CLMP: variants seen among roughly 807,000 people sequenced by gnomAD.
The protein encoded by CLMP is CXADR-like membrane protein.
Under a neutral mutation model 45.2 loss-of-function variants are expected in CLMP, and 27 were observed. The ratio of observed to expected loss-of-function variants is 0.60; its 90% CI spans 0.44 to 0.82. The LOEUF (loss-of-function observed/expected upper bound fraction) is 0.82. CLMP is among the 40% of genes least tolerant of loss of function. The pLI is 0.00. For synonymous variants in CLMP, 167 were observed against 171.4 expected (o/e 0.97, Z 0.20); for missense variants, 403 against 448.4 (o/e 0.90, Z 0.91).
At chr11:123,185,408 G>A (rs1200658349) in intron 1 of CLMP, among the ~76,000 whole-genome samples, 1 of 152,148 alleles carries the variant, frequency 6.6e-6, no homozygotes, top group Non-Finnish European at 1.5e-5. Context: ...GAGAGAGAGA[G>A]CAGGAGGAAG....
chr11:123,127,935 G>A (rs551706358), intron 1 of CLMP, among the ~76,000 whole-genome samples: 229 of 151,774 alleles, frequency 1.5e-3, no homozygotes, highest in African/African-American at 5.1e-3. Flanking sequence ...GACTCAGGAG[G>A]CTGAGGCAGG....
rs913301067 is a variant in CLMP at position 123,074,696 on chromosome 11, G to T, written c.821+6C>A. ...CCCCGTAAAAGTAGGGATGTGGGAG[G>T]TTTACCGAATTTCATTAGGTCTCTC... is the stretch of plus-strand genomic sequence containing the variant. On this transcript the variant is annotated splice_donor_region_variant and intron_variant, in intron 6 of 6. Transcript: ENST00000448775. 2 of 1,613,748 alleles carry T rather than the reference G, an allele frequency of 1.2e-6. No homozygotes were observed. Among genetic ancestry groups the T allele is most frequent in the South Asian group, 2.2e-5 (2 of 91,066 alleles).
At chr11:123,138,079 C>G (rs1001548663) in intron 1 of CLMP, among the ~76,000 whole-genome samples, 9 of 152,070 alleles carry the variant, frequency 5.9e-5, no homozygotes, top group African/African-American at 2.2e-4. Flanking sequence ...GGGGCAGAAG[C>G]TCTGTCCTGG....
Position 123,074,717 on chromosome 11 carries a change from C to T in CLMP, c.806G>A (p.Arg269Lys). ...GGAGGTTTACCGAATTTCATTAGGT[C>T]TCTCTTCTTCCTCATATCTTTCTTT... ...KDKERYEEEE[R>K]PNEIREDAEA... The change falls in exon 6 of 7, where the codon AGA becomes AAA. Residue 269 changes from arginine to lysine, a missense_variant. Coordinates refer to ENST00000448775, the MANE Select transcript of CLMP (RefSeq NM_024769.5). The T allele has an allele frequency of 1.2e-6, 2 of 1,614,008 alleles. No individual in the cohort carries two copies. The highest frequency in any genetic ancestry group is 1.7e-6 in the Non-Finnish European group (2 of 1,179,982).
At chr11:123,129,487 ATAAT>A (rs1860953568) in intron 1 of CLMP, among the ~76,000 whole-genome samples, 1 of 142,118 alleles carries the variant, frequency 7.0e-6, no homozygotes, top group South Asian at 2.1e-4. Flanking sequence ...TAGATTATAT[ATAAT>A]TAATTTCAAA....
intron 1 of CLMP, among the ~76,000 whole-genome samples, chr11:123,150,582 A>AAGGG (rs780551140): frequency 8.6e-6 from 1 of 116,846 alleles, no homozygotes; most frequent in Non-Finnish European, 1.7e-5. Context: ...GGAAGGAAGG[A>AAGGG]AAGGAAGGAA....
chr11:123,100,533 T>C (rs993290639), intron 1 of CLMP, among the ~76,000 whole-genome samples: 5 of 151,936 alleles, frequency 3.3e-5, no homozygotes, highest in Non-Finnish European at 7.4e-5. Context: ...TTCAAGTCCA[T>C]TGTGATGCAG....
chr11:123,193,241 C>G (rs1861932414), intron 1 of CLMP: 1 of 152,258 alleles, frequency 6.6e-6, no homozygotes, highest in African/African-American at 2.4e-5. Flanking sequence ...GGCCTTTTTA[C>G]AGCTTGGTTT....
rs554511842 is a variant in CLMP, at chr11:123,094,489, CAT to C, written c.186+3304_186+3305del. ...TTCACTATGTTTGTGTGTTTACACACATGTGGGCATACCTCAGCTCCTTATTT... is the reference window on the plus strand; with the variant it reads ...TTCACTATGTTTGTGTGTTTACACACGTGGGCATACCTCAGCTCCTTATTT... On this transcript the variant is annotated intron_variant, in intron 2 of 6. Coordinates refer to ENST00000448775, the MANE Select transcript of CLMP (RefSeq NM_024769.5). 2.2e-4 allele frequency among the ~76,000 whole-genome samples: 33 copies of C among 152,350 alleles called. 1 individual carries two copies. In the East Asian group the frequency reaches 5.8e-3, roughly 27 times the overall value.
intron 5 of CLMP, among the ~76,000 whole-genome samples, chr11:123,080,791 G>A (rs1013856023): frequency 2.6e-5 from 4 of 152,156 alleles, no homozygotes; most frequent in Non-Finnish European, 5.9e-5. Context: ...GAATGTTGAA[G>A]TATAACTTTG....
rs768633361 is a variant in CLMP, at chr11:123,083,686, T to G, written c.550A>C (p.Arg184=). The G allele has an allele frequency of 1.2e-5, 19 of 1,613,944 alleles. No homozygotes were observed. The highest frequency in any genetic ancestry group is 3.3e-4 in the Middle Eastern group (2 of 6,044). ...TGGTAGGAAGATGACTTACCAATCC[T>G]AGATTTGGGAGGCAGACGTTCATCC... is the stretch of plus-strand genomic sequence containing the variant. ...GEDERLPPKS[R]IDYNHPGRVL... is the part of the protein sequence containing the mutation. The change falls in exon 4 of 7, where the codon AGG becomes CGG. Residue 184 remains arginine, a synonymous_variant. Transcript: ENST00000448775.
At chr11:123,170,962 G>C (rs1861624735) in intron 1 of CLMP, among the ~76,000 whole-genome samples, 1 of 152,214 alleles carries the variant, frequency 6.6e-6, no homozygotes, top group Non-Finnish European at 1.5e-5. Flanking sequence ...ATGATCTTAT[G>C]TGGGGAGACG....
chr11:123,083,999 AC>A (rs1187301196), intron 3 of CLMP, 152 bp from the exon 4 acceptor site: 7 of 793,128 alleles, frequency 8.8e-6, no homozygotes, highest in Non-Finnish European at 1.4e-5. Context: ...GCTTTACACT[AC>A]CCCCACCAAA....
At chr11:123,089,560 T>C (rs1456511934) in intron 2 of CLMP, among the ~76,000 whole-genome samples, 1 of 148,224 alleles carries the variant, frequency 6.7e-6, no homozygotes, top group Non-Finnish European at 1.5e-5. Context: ...GGTCAGGAGA[T>C]CAAGACCATC....
chr11:123,074,504 T>C (rs1015117490), intron 6 of CLMP, among the ~76,000 whole-genome samples, 198 bp downstream of exon 6: 2 of 152,120 alleles, frequency 1.3e-5, no homozygotes, highest in African/African-American at 4.8e-5. Context: ...TAAGTGTTTG[T>C]TGAGGATAAG....
intron 1 of CLMP, among the ~76,000 whole-genome samples, chr11:123,177,589 T>C (rs1199388948): frequency 6.6e-6 from 1 of 152,164 alleles, no homozygotes; most frequent in Non-Finnish European, 1.5e-5. Context: ...ATCATCAAAC[T>C]ACAAAGTTGT....
intron 1 of CLMP, among the ~76,000 whole-genome samples, chr11:123,173,446 A>G (rs1160578677): frequency 6.6e-6 from 1 of 152,220 alleles, no homozygotes; most frequent in African/African-American, 2.4e-5. Context: ...ATTCCTTTTT[A>G]TACATGCCAG....
At chr11:123,096,284 G>A (rs1865988287) in intron 2 of CLMP, among the ~76,000 whole-genome samples, 1 of 152,140 alleles carries the variant, frequency 6.6e-6, no homozygotes, top group Non-Finnish European at 1.5e-5. Flanking sequence ...AACCCAGGAG[G>A]CGGAGGTGGC....
chr11:123,132,334 G>A lies in CLMP; in HGVS notation c.29-34382C>T, dbSNP rs11219011. Among the ~76,000 whole-genome samples the A allele has an allele frequency of 6.8e-3, 1,037 of 152,294 alleles. 32 individuals are homozygous for A. The East Asian group carries it at 0.1, about 15-fold the overall frequency. On this transcript the variant is annotated intron_variant, in intron 1 of 6. Transcript: ENST00000448775. ...AACTGTCAAATACGGAAAGCTATTCGGAAGGCCCACATGGAGATGGCTGTT... is the reference window on the plus strand; with the variant it reads ...AACTGTCAAATACGGAAAGCTATTCAGAAGGCCCACATGGAGATGGCTGTT...
Sources: allele counts gnomAD v4.1 joint callset (sites outside exome capture counted in the v4.1 genomes callset), GRCh38; gene constraint gnomAD v4.1.1; transcripts MANE v1.5; gene names NCBI Gene and HGNC (gene_info 2026-07-23, HGNC 2026-07-21).